ATP2A3: variants seen among roughly 807,000 people sequenced by gnomAD.
ATP2A3 encodes the protein ATPase sarcoplasmic/endoplasmic reticulum Ca2+ transporting 3, also known as sarcoplasmic/endoplasmic reticulum calcium ATPase 3.
In ATP2A3, 61 loss-of-function variants were observed where a neutral mutation model predicts 106.8. The observed-to-expected ratio is 0.57, with a 90% CI of 0.46 to 0.71. ATP2A3 has a LOEUF of 0.71. Among genes scored for constraint, ATP2A3 ranks in the 30% least tolerant of loss-of-function variants. The pLI, the probability that ATP2A3 is intolerant of heterozygous loss-of-function variation, is 0.00. For synonymous variants in ATP2A3, 611 were observed against 609.3 expected, an observed-to-expected ratio of 1.00 and a Z score of -0.04; for missense variants, 1,201 against 1,423.5, an observed-to-expected ratio of 0.84 and a Z score of 2.52.
chr17:3,958,909 T>C (rs2054984544), intron 1 of ATP2A3, among the ~76,000 whole-genome samples: 1 of 148,500 alleles, frequency 6.7e-6, no homozygotes. Flanking sequence ...TTGTTTTTTT[T>C]CAGATGGAGT....
Position 3,928,128 on chromosome 17 carries a change from G to A in ATP2A3, c.2980+535C>T, listed in dbSNP as rs534734255. ...GTCCCAGCCCACTTCTCTCCAGCCC[G>A]ACACCTGCCATCCTGTCCTCTCCAC... On this transcript the variant is annotated intron_variant, in intron 20 of 20. Coordinates refer to ENST00000397041, the MANE Select transcript of ATP2A3 (RefSeq NM_005173.4). The surrounding 1 kb of genome is among the most constrained non-coding windows in gnomAD (Gnocchi z 6.1). 128 of 1,600,038 alleles carry A rather than the reference G, an allele frequency of 8.0e-5. No individual in the cohort carries two copies. The South Asian group carries it at 1.1e-3, about 14-fold the overall frequency.
rs1475084345 is a variant in ATP2A3 at position 3,964,295 on chromosome 17, G to T, written c.-4C>A. On this transcript the variant is annotated 5_prime_UTR_variant, in exon 1 of 21. Coordinates refer to ENST00000397041, the MANE Select transcript of ATP2A3 (RefSeq NM_005173.4). ...GGAGCAGATGCGCCGCCTCCATGCC[G>T]CCCGCCCGGCCGTCTGCGCCGTCCG... The T allele has an allele frequency of 1.6e-6, 2 of 1,250,126 alleles. No homozygotes were observed. The highest frequency in any genetic ancestry group is 3.2e-4 in the Middle Eastern group (1 of 3,110). The allele number at this position is 1,250,126 out of a possible 1,614,324, so 77.4% of individuals were successfully genotyped here.
rs3744672 is a variant in ATP2A3, at chr17:3,954,023, A to T, written c.119-313T>A. Among the ~76,000 whole-genome samples, 5 of 152,038 alleles carry T rather than the reference A, an allele frequency of 3.3e-5. No homozygotes were observed. In the East Asian group the frequency reaches 5.8e-4, roughly 18 times the overall value. On this transcript the variant is annotated intron_variant, in intron 1 of 20. Transcript: ENST00000397041. The stretch of plus-strand genomic sequence containing the variant: ...GCCCCTCCCTGCCCCACTTCACAGA[A>T]GGGAAACTGAGGCCTAGAAAACAGA...
chr17:3,927,649 TG>T, intron 20 of ATP2A3: 1 of 985,384 alleles, frequency 1.0e-6, no homozygotes. Flanking sequence ...AGAATGGCCT[TG>T]CTCAGCTCCC....
rs1220372243 is a variant in ATP2A3 at position 3,943,491 on chromosome 17, G to A, written c.1319C>T (p.Ala440Val). ...AKGVYEKVGE[A>V]TETALTCLVE... ...CAGGCAAGTCAGAGCTGTCTCCGTGGCCTCTCCCACCTTCTCATACACACC... is the reference window on the plus strand; with the variant it reads ...CAGGCAAGTCAGAGCTGTCTCCGTGACCTCTCCCACCTTCTCATACACACC... The change falls in exon 11 of 21, where the codon GCC becomes GTC. Residue 440 changes from alanine (A) to valine (V), a missense_variant. Ala to Val is a moderately conservative substitution (Grantham distance 64, BLOSUM62 0). Transcript: ENST00000397041. The A allele has an allele frequency of 6.2e-7, 1 of 1,613,966 alleles. No individual in the cohort carries two copies. The highest frequency in any genetic ancestry group is 8.5e-7 in the Non-Finnish European group (1 of 1,179,990).
rs766377838 is a variant in ATP2A3 at position 3,941,318 on chromosome 17, G to A, written c.1765-12C>T. On this transcript the variant is annotated splice_polypyrimidine_tract_variant and intron_variant, in intron 13 of 20. Coordinates refer to ENST00000397041, the MANE Select transcript of ATP2A3 (RefSeq NM_005173.4). ...AAGGTCAGGTCCGTCTGTAGGGAGG[G>A]GGCAGATTCAAGCGGGGCCTGAGCC... The A allele has an allele frequency of 4.3e-6, 7 of 1,613,476 alleles. No individual in the cohort carries two copies. Among genetic ancestry groups the A allele is most frequent in the Admixed American group, 3.3e-5 (2 of 60,002 alleles).
intron 1 of ATP2A3, among the ~76,000 whole-genome samples, chr17:3,957,054 G>A (rs541025250): frequency 4.3e-4 from 66 of 152,196 alleles, no homozygotes; most frequent in Non-Finnish European, 8.4e-4. Flanking sequence ...GTGCCTTACC[G>A]CATTATCACC....
At position 3,947,535 on chromosome 17, in the gene ATP2A3, T is replaced by G. The variant is rs933918259; in HGVS notation, c.951A>C (p.Thr317=). Residue 317 remains threonine, a synonymous_variant, in exon 8 of 21, where the codon ACA becomes ACC. Coordinates refer to ENST00000397041, the MANE Select transcript of ATP2A3 (RefSeq NM_005173.4). The surrounding 1 kb of genome is among the most constrained non-coding windows in gnomAD (Gnocchi z 7.7). ...IPEGLPAVIT[T]CLALGTRRMA... ...TGCGCCGCGTGCCCAGTGCCAGGCA[T>G]GTAGTGATGACAGCCGGGAGGCCCT... The G allele has an allele frequency of 5.0e-6, 8 of 1,613,124 alleles. No homozygotes were observed. In the Admixed American group the frequency reaches 5.0e-5, roughly 10 times the overall value.
At chr17:3,937,349 C>A in intron 15 of ATP2A3, 67 bp downstream of exon 15, 5 of 1,529,894 alleles carry the variant, frequency 3.3e-6, no homozygotes, top group East Asian at 4.7e-5. Context: ...GAGGAACAGG[C>A]GTTTTCCCCA....
At position 3,924,271 on chromosome 17, in the gene ATP2A3, A is replaced by C. The variant is rs917356106; in HGVS notation, c.*1151T>G. The C allele has an allele frequency of 4.5e-5, 7 of 154,798 alleles. No individual in the cohort carries two copies. Among genetic ancestry groups the C allele is most frequent in the African/African-American group, 1.7e-4 (7 of 41,476 alleles). 9.6% of individuals were successfully genotyped at this position (154,798 alleles called of 1,614,324 possible). ...GCTACCCCTCGCTAGTTTTTGCCAA[A>C]GTAGCAAAAGCTGAGTTAAGAGAAA... On this transcript the variant is annotated 3_prime_UTR_variant, in exon 21 of 21. Transcript: ENST00000397041. The surrounding 1 kb of genome is among the most constrained non-coding windows in gnomAD (Gnocchi z 6.4).
In ATP2A3 at chr17:3,941,232, G is replaced by A. The variant is rs368039858; in HGVS notation, c.1839C>T (p.Arg613=). 27 of 1,613,980 alleles carry A rather than the reference G, an allele frequency of 1.7e-5. No homozygotes were observed. The highest frequency in any genetic ancestry group is 2.2e-5 in the Non-Finnish European group (26 of 1,180,044). ...PRPEVAACIT[R]CYQAGIRVVM... is the part of the protein sequence containing the mutation. ...CCACGCGGATGCCCGCCTGGTAGCA[G>A]CGTGTGATGCAGGCAGCCACCTCAG... The change falls in exon 14 of 21, where the codon CGC becomes CGT. Residue 613 remains arginine (R), a synonymous_variant. Transcript: ENST00000397041.
intron 1 of ATP2A3, among the ~76,000 whole-genome samples, chr17:3,958,795 T>C (rs538217587): frequency 2.1e-5 from 3 of 141,262 alleles, no homozygotes; most frequent in African/African-American, 5.3e-5. Context: ...TATATACACA[T>C]ATATATACAC....
chr17:3,930,235 T>C lies in ATP2A3; in HGVS notation c.2744+66A>G, dbSNP rs59833705. ...TGGACCCCTGACCCTCAGACACTGA[T>C]ACTGGAACCCCCAGCCCTCAGCCCC... On this transcript the variant is annotated intron_variant, in intron 18 of 20. Transcript: ENST00000397041. This position sits in a 1 kb window ranked among gnomAD's most constrained non-coding sequence, Gnocchi z 5.4. 4,624 of 1,306,634 alleles carry C rather than the reference T, an allele frequency of 3.5e-3. 590 individuals carry two copies. In the African/African-American group the frequency reaches 0.083, roughly 24 times the overall value. The allele number at this position is 1,306,634 out of a possible 1,614,324, so 80.9% of individuals were successfully genotyped here.
In ATP2A3 at chr17:3,930,679, T is replaced by G; in HGVS notation, c.2611-245A>C. 1.7e-6 allele frequency: 1 copy of G among 594,286 alleles called. No homozygotes were observed. Among genetic ancestry groups the G allele is most frequent in the South Asian group, 1.9e-5 (1 of 53,186 alleles). 36.8% of individuals were successfully genotyped at this position (594,286 alleles called of 1,614,324 possible). ...AAAGGCAGACGTTCTGGAGCAGGAG[T>G]GCAGCGGCTCAGAAGGAGAACAGCT... On this transcript the variant is annotated intron_variant, in intron 17 of 20. Transcript: ENST00000397041. This position sits in a 1 kb window ranked among gnomAD's most constrained non-coding sequence, Gnocchi z 5.4.
At position 3,943,433 on chromosome 17, in the gene ATP2A3, C is replaced by T. The variant is rs748792889; in HGVS notation, c.1377G>A (p.Leu459=). 2 of 1,614,110 alleles carry T rather than the reference C, an allele frequency of 1.2e-6. No homozygotes were observed. The highest frequency in any genetic ancestry group is 1.7e-6 in the Non-Finnish European group (2 of 1,180,006). Reference sequence around the variant, plus strand: ...CTCGCTCCACCCGGGACAGAGCCTGCAGGTCGGTGTCGAACACGTTCATCT... The same window carrying T: ...CTCGCTCCACCCGGGACAGAGCCTGTAGGTCGGTGTCGAACACGTTCATCT... ...VEKMNVFDTD[L]QALSRVERAG... The change falls in exon 11 of 21, where the codon CTG becomes CTA. Residue 459 remains leucine (L), a synonymous_variant. Coordinates refer to ENST00000397041, the MANE Select transcript of ATP2A3 (RefSeq NM_005173.4).
intron 20 of ATP2A3, chr17:3,927,631 CA>C (rs1364671214): frequency 2.0e-6 from 2 of 985,434 alleles, no homozygotes; most frequent in East Asian, 2.3e-4. Context: ...AAGAACCAGA[CA>C]GGGGGCAGAA....
chr17:3,943,773 T>TTCC (rs2053921962), intron 10 of ATP2A3, among the ~76,000 whole-genome samples: 1 of 152,168 alleles, frequency 6.6e-6, no homozygotes, highest in Non-Finnish European at 1.5e-5. Context: ...CTCTGTCCAC[T>TTCC]TCCTGTCAGC....
Position 3,947,578 on chromosome 17 carries a change from G to A in ATP2A3, c.908C>T (p.Ala303Val), listed in dbSNP as rs766865638. Residue 303 changes from alanine (A) to valine (V), a missense_variant, in exon 8 of 21, where the codon GCG (alanine) becomes GTG (valine). Coordinates refer to ENST00000397041, the MANE Select transcript of ATP2A3 (RefSeq NM_005173.4). This position sits in a 1 kb window ranked among gnomAD's most constrained non-coding sequence, Gnocchi z 7.7. ...GAGGCCCTCGGGGATGGCCGCCACC[G>A]CCAGGGCCACGGCGATCTTGAAGTA... ...VYYFKIAVALAVAAIPEGLPA... is the reference protein window; with the variant it reads ...VYYFKIAVALVVAAIPEGLPA... 6 of 1,612,772 alleles carry A rather than the reference G, an allele frequency of 3.7e-6. No individual in the cohort carries two copies. The highest frequency in any genetic ancestry group is 2.5e-6 in the Non-Finnish European group (3 of 1,179,922).
rs1172646932 is a variant in ATP2A3 at position 3,928,145 on chromosome 17, C to T, written c.2980+518G>A. On this transcript the variant is annotated intron_variant, in intron 20 of 20. Coordinates refer to ENST00000397041, the MANE Select transcript of ATP2A3 (RefSeq NM_005173.4). The surrounding 1 kb of genome is among the most constrained non-coding windows in gnomAD (Gnocchi z 6.1). ...TCCAGCCCGACACCTGCCATCCTGT[C>T]CTCTCCACTCCGGGGTTAAGGCAGA... 1 of 1,599,400 alleles carries T rather than the reference C, an allele frequency of 6.3e-7. No individual in the cohort carries two copies. Among genetic ancestry groups the T allele is most frequent in the African/African-American group, 1.3e-5 (1 of 74,634 alleles).
Sources: gnomAD v4.1 joint callset for allele counts (sites outside exome capture counted in the v4.1 genomes callset) on GRCh38, gnomAD v4.1.1 for gene constraint, Gnocchi (gnomAD v3.1) non-coding constraint, MANE v1.5 for transcripts, NCBI Gene and HGNC (gene_info 2026-07-23, HGNC 2026-07-21) for gene names.